The following ARHGAP26 variants were observed in gnomAD, a reference collection of about 807,000 sequenced individuals.
ARHGAP26 encodes the protein rho GTPase-activating protein 26.
A neutral mutation model predicts 104.8 loss-of-function variants in ARHGAP26; 38 were observed. The observed-to-expected ratio is 0.36, with a 90% CI of 0.28 to 0.48. The LOEUF (loss-of-function observed/expected upper bound fraction) is 0.48. ARHGAP26 is among the 20% of genes least tolerant of loss of function. ARHGAP26 has a pLI of 0.99. For missense variants in ARHGAP26, 704 were observed against 947.9 expected (o/e 0.74, Z 3.38); for synonymous variants, 341 against 340.0 (o/e 1.00, Z -0.03).
intron 16 of ARHGAP26, among the ~76,000 whole-genome samples, chr5:143,057,029 G>T (rs891218282): frequency 1.3e-5 from 2 of 152,152 alleles, no homozygotes; most frequent in African/African-American, 4.8e-5. Context: ...CAGTCTATTT[G>T]CCAGAGTAAC....
chr5:143,014,338 C>T (rs1014038994), intron 12 of ARHGAP26: 8 of 592,342 alleles, frequency 1.4e-5, no homozygotes, highest in African/African-American at 3.7e-5. Context: ...TGACACCTTG[C>T]ATTGAAATAA....
In ARHGAP26 at chr5:142,913,238, C is replaced by A; in HGVS notation, c.973C>A (p.Arg325=). ...ESVILKSCTR[R]KTDSIEKRFC... The stretch of plus-strand genomic sequence containing the variant: ...AGTTATCCTCAAATCCTGCACACGG[C>A]GGAAAACAGACTCCATTGAGAAGAG... The change falls in exon 10 of 23, where the codon CGG becomes AGG. Residue 325 remains arginine, a synonymous_variant. Transcript: ENST00000645722. 5.0e-6 allele frequency: 8 copies of A among 1,614,076 alleles called. No individual in the cohort carries two copies. Among genetic ancestry groups the A allele is most frequent in the Middle Eastern group, 1.6e-4 (1 of 6,062 alleles).
intron 16 of ARHGAP26, 128 bp from the exon 17 acceptor site, chr5:143,057,514 C>T: frequency 1.3e-6 from 1 of 756,198 alleles, no homozygotes; most frequent in South Asian, 1.7e-5. Flanking sequence ...GCACACAAGA[C>T]AGGATTGTAA....
chr5:142,997,302 C>T (rs976352603), intron 11 of ARHGAP26, among the ~76,000 whole-genome samples: 6 of 152,120 alleles, frequency 3.9e-5, no homozygotes, highest in African/African-American at 1.4e-4. Flanking sequence ...AGTGGTGAAA[C>T]ATTTTGATCA....
chr5:142,830,643 C>A (rs951838346), intron 1 of ARHGAP26, among the ~76,000 whole-genome samples: 5 of 152,164 alleles, frequency 3.3e-5, no homozygotes, highest in African/African-American at 1.2e-4. Flanking sequence ...TCAATTTTCA[C>A]TGGGGCAAAA....
chr5:143,153,181 G>T (rs879921730), intron 20 of ARHGAP26, among the ~76,000 whole-genome samples: 40 of 152,156 alleles, frequency 2.6e-4, no homozygotes, highest in Admixed American at 3.9e-4. Flanking sequence ...GAGATTCTAA[G>T]AAATTTGGGA....
intron 19 of ARHGAP26, among the ~76,000 whole-genome samples, chr5:143,140,795 A>T (rs772603454): frequency 3.3e-5 from 5 of 152,208 alleles, no homozygotes; most frequent in Non-Finnish European, 5.9e-5. Context: ...TACATGGATC[A>T]TGTTAACTAG....
At chr5:142,787,776 A>G (rs1758963884) in intron 1 of ARHGAP26, among the ~76,000 whole-genome samples, 1 of 152,224 alleles carries the variant, frequency 6.6e-6, no homozygotes, top group South Asian at 2.1e-4. Context: ...TAAAATGCAA[A>G]TTATGCCTAT....
chr5:142,798,241 A>G (rs1761376034), intron 1 of ARHGAP26, among the ~76,000 whole-genome samples: 1 of 152,060 alleles, frequency 6.6e-6, no homozygotes, highest in East Asian at 1.9e-4. Flanking sequence ...ATCTTACACC[A>G]TCTCTGCATC....
At chr5:143,197,227 A>G (rs1056202543) in intron 20 of ARHGAP26, among the ~76,000 whole-genome samples, 2 of 152,220 alleles carry the variant, frequency 1.3e-5, no homozygotes, top group African/African-American at 4.8e-5. Flanking sequence ...TCTGGGGTGT[A>G]TGTCTAGCAA....
intron 17 of ARHGAP26, among the ~76,000 whole-genome samples, chr5:143,096,562 C>T (rs979669916): frequency 6.6e-6 from 1 of 152,200 alleles, no homozygotes. Flanking sequence ...CTCAAGTCAA[C>T]TTCAGTATGC....
intron 20 of ARHGAP26, among the ~76,000 whole-genome samples, chr5:143,157,034 C>T (rs183468934): frequency 1.3e-3 from 194 of 152,264 alleles, no homozygotes; most frequent in Non-Finnish European, 2.5e-3. Context: ...AAAAATAGCT[C>T]TCAGGCTATG....
intron 9 of ARHGAP26, 89 bp downstream of exon 9, chr5:142,907,893 A>G (rs988320845): frequency 1.1e-5 from 8 of 761,490 alleles, no homozygotes; most frequent in East Asian, 6.2e-5. Flanking sequence ...CTCCAGTGTT[A>G]TATTTATGTT....
In ARHGAP26 at chr5:142,864,328, C is replaced by T. The variant is rs144921528; in HGVS notation, c.155-9072C>T. On this transcript the variant is annotated intron_variant, in intron 1 of 22. Transcript: ENST00000645722. ...GGATTTGATGATAGCACTGTTTCCC[C>T]GGTGCATTTAAAAGGCACGACTTGA... 1.5e-3 allele frequency among the ~76,000 whole-genome samples: 226 copies of T among 152,280 alleles called. 2 individuals are homozygous for T. The highest frequency in any genetic ancestry group is 4.8e-3 in the East Asian group (25 of 5,188).
chr5:143,218,405 G>A (rs1057076173), intron 22 of ARHGAP26, among the ~76,000 whole-genome samples: 4 of 152,208 alleles, frequency 2.6e-5, no homozygotes, highest in African/African-American at 4.8e-5. Flanking sequence ...TGTCTAGCAC[G>A]TGGTAGGTGC....
At chr5:143,014,253 T>G (rs1779286857) in intron 12 of ARHGAP26, 137 bp downstream of exon 12, 1 of 902,384 alleles carries the variant, frequency 1.1e-6, no homozygotes, top group Admixed American at 2.0e-5. Context: ...CAGTGGGACA[T>G]GCCTCCACCC....
chr5:143,202,195 A>G (rs1161762230), intron 20 of ARHGAP26: 2 of 150,840 alleles, frequency 1.3e-5, no homozygotes, highest in Admixed American at 1.3e-4. Context: ...TATTTAATGC[A>G]CTTCTTTGTC....
intron 20 of ARHGAP26, chr5:143,202,933 G>A (rs1226030069): frequency 6.6e-6 from 1 of 152,092 alleles, no homozygotes; most frequent in African/African-American, 2.4e-5. Context: ...GCTCAAGATG[G>A]ATTAAAGACT....
At chr5:143,196,994 T>G (rs1806958619) in intron 20 of ARHGAP26, among the ~76,000 whole-genome samples, 1 of 152,238 alleles carries the variant, frequency 6.6e-6, no homozygotes, top group African/African-American at 2.4e-5. Context: ...ATGCAACATT[T>G]TATTGTTTTG....
Sources: gnomAD v4.1 joint callset for allele counts (sites outside exome capture counted in the v4.1 genomes callset) on GRCh38, gnomAD v4.1.1 for gene constraint, MANE v1.5 for transcripts, NCBI Gene and HGNC (gene_info 2026-07-23, HGNC 2026-07-21) for gene names.